TMX3: variants seen among roughly 807,000 people sequenced by gnomAD.
TMX3 encodes the protein thioredoxin related transmembrane protein 3, also known as protein disulfide-isomerase TMX3.
TMX3 carries 40 observed loss-of-function variants against 64.4 expected under a neutral mutation model. The observed-to-expected ratio is 0.62, with a 90% CI of 0.48 to 0.81. The LOEUF is 0.81. Among genes scored for constraint, TMX3 ranks in the 30% least tolerant of loss-of-function variants. The probability of loss-of-function intolerance (pLI) is 0.00; values close to 1 mark genes in which losing one functional copy is unlikely to be tolerated. For synonymous variants in TMX3, 189 were observed against 175.7 expected (o/e 1.08, Z -0.60); for missense variants, 497 against 534.5 (o/e 0.93, Z 0.69).
In TMX3 at chr18:68,676,912, A is replaced by G. The variant is rs1201219988; in HGVS notation, c.*21T>C. ...CTTTAATAATTTGAAGTCCTAACAA[A>G]TATTTTATAGTCATCAAGTCTCAAT... On this transcript the variant is annotated 3_prime_UTR_variant, in exon 16 of 16. Transcript: ENST00000299608. 5.0e-6 allele frequency: 8 copies of G among 1,595,584 alleles called. No individual in the cohort carries two copies. Among genetic ancestry groups the G allele is most frequent in the Non-Finnish European group, 6.8e-6 (8 of 1,173,624 alleles).
chr18:68,685,156 C>A (rs1599302928), intron 10 of TMX3, among the ~76,000 whole-genome samples: 1 of 152,148 alleles, frequency 6.6e-6, no homozygotes, highest in Admixed American at 6.5e-5. Context: ...GGCACCATAC[C>A]AAGCCACAGG....
At chr18:68,688,843 A>C (rs554042863) in intron 9 of TMX3, 8 of 152,312 alleles carry the variant, frequency 5.3e-5, no homozygotes, top group Middle Eastern at 3.4e-3. Flanking sequence ...CTCATTTATA[A>C]GTGGGCGGTA....
intron 6 of TMX3, among the ~76,000 whole-genome samples, chr18:68,699,439 G>A (rs1329955577): frequency 6.6e-6 from 1 of 152,074 alleles, no homozygotes; most frequent in Admixed American, 6.5e-5. Flanking sequence ...GAAATCAAAT[G>A]AAACACGGTC....
chr18:68,685,051 A>G (rs1462822200), intron 10 of TMX3, among the ~76,000 whole-genome samples: 1 of 152,206 alleles, frequency 6.6e-6, no homozygotes, highest in East Asian at 1.9e-4. Context: ...GTATCCTGAT[A>G]TCTTCTAGGA....
chr18:68,715,041 C>G lies in TMX3; in HGVS notation c.-60G>C. Reference sequence around the variant, plus strand: ...AAAAGAGGGATAAAGACACTGGGGTCCGCCGCCTGCCCGCCCGGAAAGGGA... The same window carrying G: ...AAAAGAGGGATAAAGACACTGGGGTGCGCCGCCTGCCCGCCCGGAAAGGGA... On this transcript the variant is annotated 5_prime_UTR_variant, in exon 1 of 16. Transcript: ENST00000299608. 1 of 1,548,162 alleles carries G rather than the reference C, an allele frequency of 6.5e-7. No individual in the cohort carries two copies.
chr18:68,706,214 A>G lies in TMX3; in HGVS notation c.265+3807T>C, dbSNP rs2030645899. The G allele has an allele frequency of 2.0e-5, 3 of 152,284 alleles. No individual in the cohort carries two copies. The South Asian group carries it at 6.2e-4, about 32-fold the overall frequency. 9.4% of individuals were successfully genotyped at this position (152,284 alleles called of 1,614,324 possible). A position where few individuals can be genotyped will look rare whatever the true frequency, so the allele number is the denominator to read the frequency against. On this transcript the variant is annotated intron_variant, in intron 4 of 15. Transcript: ENST00000299608. ...CACCTGAGGTCAGGTGTTTGGGACC[A>G]GCCTGGCTAACATGGTGAAACCCCG... is the stretch of plus-strand genomic sequence containing the variant.
chr18:68,697,161 T>G, intron 8 of TMX3, 65 bp downstream of exon 8: 2 of 825,198 alleles, frequency 2.4e-6, no homozygotes, highest in South Asian at 3.5e-5. Flanking sequence ...ACAATTTAGT[T>G]TATTAAATCA....
intron 4 of TMX3, 117 bp from the exon 5 acceptor site, chr18:68,701,907 G>A: frequency 1.4e-6 from 1 of 719,656 alleles, no homozygotes; most frequent in Non-Finnish European, 2.2e-6. Flanking sequence ...TAGATACGTT[G>A]TTTTTAAGTC....
intron 9 of TMX3, among the ~76,000 whole-genome samples, chr18:68,689,396 T>C (rs1445506395): frequency 2.0e-5 from 3 of 151,724 alleles, no homozygotes; most frequent in African/African-American, 7.3e-5. Flanking sequence ...GATCAGTGTT[T>C]TTTTTTTTTT....
rs866209696 is a variant in TMX3, at chr18:68,701,735, C to T, written c.311+10G>A. 6.2e-7 allele frequency: 1 copy of T among 1,611,710 alleles called. No homozygotes were observed. Among genetic ancestry groups the T allele is most frequent in the Non-Finnish European group, 8.5e-7 (1 of 1,178,650 alleles). On this transcript the variant is annotated intron_variant, in intron 5 of 15. Coordinates refer to ENST00000299608, the MANE Select transcript of TMX3 (RefSeq NM_019022.5). ...AAAATACACATATAAACATACAACA[C>T]TCAACTTACAGCTTAATTGTTGGAT...
chr18:68,702,280 T>G (rs1043793253), intron 4 of TMX3, among the ~76,000 whole-genome samples: 6 of 151,822 alleles, frequency 4.0e-5, no homozygotes, highest in African/African-American at 1.5e-4. Context: ...AACTTGTATT[T>G]GCAAAATTAA....
chr18:68,700,713 C>T (rs1217763164), intron 5 of TMX3: 3 of 977,014 alleles, frequency 3.1e-6, no homozygotes, highest in Non-Finnish European at 3.6e-6. Flanking sequence ...AAATATCTTA[C>T]TCTGCATTTG....
chr18:68,712,603 G>A (rs566320941), intron 2 of TMX3, among the ~76,000 whole-genome samples: 1 of 152,204 alleles, frequency 6.6e-6, no homozygotes, highest in South Asian at 2.1e-4. Flanking sequence ...ATCCACATGG[G>A]TAACAAAATG....
intron 4 of TMX3, 143 bp from the exon 5 acceptor site, chr18:68,701,933 C>A: frequency 6.8e-6 from 4 of 589,488 alleles, no homozygotes; most frequent in African/African-American, 1.9e-5. Flanking sequence ...ATTATAAAAT[C>A]ACACAAAAGA....
At chr18:68,702,592 T>A (rs2030220766) in intron 4 of TMX3, among the ~76,000 whole-genome samples, 1 of 152,176 alleles carries the variant, frequency 6.6e-6, no homozygotes. Flanking sequence ...ATATTCTCAG[T>A]TAACACACGT....
intron 12 of TMX3, 92 bp from the exon 13 acceptor site, chr18:68,683,073 T>G: frequency 8.2e-7 from 1 of 1,213,848 alleles, no homozygotes. Flanking sequence ...AAAAAGTAAA[T>G]AAAACAATGA....
intron 3 of TMX3, 32 bp downstream of exon 3, chr18:68,711,332 G>C (rs1472871696): frequency 5.9e-6 from 9 of 1,534,604 alleles, no homozygotes; most frequent in Non-Finnish European, 8.0e-6. Flanking sequence ...TGGTAGGGGT[G>C]GGTAATTAGC....
At chr18:68,690,167 G>A (rs1914377465) in intron 9 of TMX3, among the ~76,000 whole-genome samples, 1 of 151,952 alleles carries the variant, frequency 6.6e-6, no homozygotes, top group Admixed American at 6.6e-5. Flanking sequence ...CTCTCATCTA[G>A]TCCTAGGTTC....
At chr18:68,702,630 T>C (rs1258722547) in intron 4 of TMX3, among the ~76,000 whole-genome samples, 1 of 152,202 alleles carries the variant, frequency 6.6e-6, no homozygotes, top group Non-Finnish European at 1.5e-5. Flanking sequence ...TACAAAACTA[T>C]ACACTAGTAT....
Sources: allele counts gnomAD v4.1 joint callset (sites outside exome capture counted in the v4.1 genomes callset), GRCh38; gene constraint gnomAD v4.1.1; transcripts MANE v1.5; gene names NCBI Gene and HGNC (gene_info 2026-07-23, HGNC 2026-07-21).